Variants in ZNF716 observed in about 807,000 individuals in gnomAD.
ZNF716 encodes the protein zinc finger protein 716.
In ZNF716, 9 loss-of-function variants were observed where a neutral mutation model predicts 13.4. The ratio of observed to expected loss-of-function variants is 0.67; its 90% CI spans 0.41 to 1.18. The LOEUF is 1.18. Among genes scored for constraint, ZNF716 ranks in the 50% most tolerant of loss-of-function variants. The pLI is 0.01. For synonymous variants in ZNF716, 186 were observed against 195.2 expected, an observed-to-expected ratio of 0.95 and a Z score of 0.39; for missense variants, 581 against 576.6, an observed-to-expected ratio of 1.01 and a Z score of -0.08.
rs562332792 is a variant in ZNF716 at position 57,461,219 on chromosome 7, G to C, written c.40-1241G>C. 1.1e-4 allele frequency among the ~76,000 whole-genome samples: 17 copies of C among 152,244 alleles called. 1 individual carries two copies. In the South Asian group the frequency reaches 3.3e-3, roughly 30 times the overall value. Reference sequence around the variant, plus strand: ...TTGAACCCAGGAGGCAGAGTTTGCAGTAAGCCAAGATAGCACCATTGCACT... The same window carrying C: ...TTGAACCCAGGAGGCAGAGTTTGCACTAAGCCAAGATAGCACCATTGCACT... On this transcript the variant is annotated intron_variant, in intron 1 of 3. Coordinates refer to ENST00000420713, the MANE Select transcript of ZNF716 (RefSeq NM_001159279.1).
chr7:57,461,113 A>AC (rs1432423532), intron 1 of ZNF716, among the ~76,000 whole-genome samples: 1 of 128,268 alleles, frequency 7.8e-6, no homozygotes, highest in Admixed American at 8.2e-5. Context: ...CTGCTAAAAA[A>AC]AAAAAAATAC....
At chr7:57,460,394 C>CAAAAAA (rs71565809) in intron 1 of ZNF716, among the ~76,000 whole-genome samples, 1 of 85,494 alleles carries the variant, frequency 1.2e-5, no homozygotes, top group African/African-American at 4.6e-5. Context: ...GACTGTGTCT[C>CAAAAAA]AAAAAAAAAA....
intron 3 of ZNF716, among the ~76,000 whole-genome samples, chr7:57,467,198 A>C (rs1225042106): frequency 2.0e-5 from 3 of 152,032 alleles, no homozygotes; most frequent in Non-Finnish European, 4.4e-5. Flanking sequence ...GTCACTAATT[A>C]TATCTTTTTA....
intron 3 of ZNF716, among the ~76,000 whole-genome samples, chr7:57,466,566 CT>C (rs1554324162): frequency 2.0e-5 from 3 of 152,118 alleles, no homozygotes; most frequent in African/African-American, 7.2e-5. Flanking sequence ...ATGGTTGGTT[CT>C]TTTTTGCCTT....
At position 57,470,703 on chromosome 7, in the gene ZNF716, A is replaced by C. The variant is rs1283746542; in HGVS notation, c.*754A>C. 1 of 115,398 alleles carries C rather than the reference A, an allele frequency of 8.7e-6. No individual in the cohort carries two copies. The highest frequency in any genetic ancestry group is 3.3e-5 in the African/African-American group (1 of 29,920). 7.1% of individuals were successfully genotyped at this position (115,398 alleles called of 1,614,324 possible). Reference sequence around the variant, plus strand: ...ATGTAAAATAATTGATACTGGAGAGAACCCCTGCAATTGTAAAAAAAAAAA... The same window carrying C: ...ATGTAAAATAATTGATACTGGAGAGCACCCCTGCAATTGTAAAAAAAAAAA... On this transcript the variant is annotated 3_prime_UTR_variant, in exon 4 of 4. Coordinates refer to ENST00000420713, the MANE Select transcript of ZNF716 (RefSeq NM_001159279.1).
chr7:57,452,737 A>G (rs1554321735), intron 1 of ZNF716, among the ~76,000 whole-genome samples: 1 of 152,086 alleles, frequency 6.6e-6, no homozygotes, highest in African/African-American at 2.4e-5. Flanking sequence ...AGACATCATA[A>G]TGTGTGGGTT....
intron 3 of ZNF716, among the ~76,000 whole-genome samples, chr7:57,464,122 C>T (rs111937572): frequency 0.37 from 46,197 of 124,424 alleles, 8,738 homozygotes; most frequent in East Asian, 0.49. Context: ...TTTCTTTTTT[C>T]TTTTTTTTTT....
chr7:57,454,594 TG>T (rs1789554403), intron 1 of ZNF716, among the ~76,000 whole-genome samples: 1 of 152,208 alleles, frequency 6.6e-6, no homozygotes, highest in Admixed American at 6.5e-5. Flanking sequence ...CAGGGAAACC[TG>T]GGGACCCACA....
In ZNF716 at chr7:57,473,146, A is replaced by T. The variant is rs1181470236; in HGVS notation, c.*3197A>T. ...AATATTTTTAAAATTTTGTTTTATA[A>T]ATTTTTTGCACATGTGGCATCTCTG... On this transcript the variant is annotated 3_prime_UTR_variant, in exon 4 of 4. Transcript: ENST00000420713. 2.6e-5 allele frequency: 4 copies of T among 152,154 alleles called. No homozygotes were observed. The highest frequency in any genetic ancestry group is 5.9e-5 in the Non-Finnish European group (4 of 68,032). The allele number at this position is 152,154 out of a possible 1,614,324, so 9.4% of individuals were successfully genotyped here.
chr7:57,471,859 G>A lies in ZNF716; in HGVS notation c.*1910G>A, dbSNP rs1422256591. ...AAATCAGAGTGTTGAGTGTAAAAAA[G>A]ATATAAATCTAACAATATAAATTTA... On this transcript the variant is annotated 3_prime_UTR_variant, in exon 4 of 4. Coordinates refer to ENST00000420713, the MANE Select transcript of ZNF716 (RefSeq NM_001159279.1). The A allele has an allele frequency of 6.6e-6, 1 of 152,024 alleles. No homozygotes were observed. The highest frequency in any genetic ancestry group is 1.9e-4 in the East Asian group (1 of 5,184). The allele number at this position is 152,024 out of a possible 1,614,324, so 9.4% of individuals were successfully genotyped here. A position where few individuals can be genotyped will look rare whatever the true frequency, so the allele number is the denominator to read the frequency against.
rs1554323431 is a variant in ZNF716, at chr7:57,463,108, C to G, written c.202C>G (p.Leu68Val). 3.1e-6 allele frequency: 5 copies of G among 1,610,484 alleles called. No individual in the cohort carries two copies. The highest frequency in any genetic ancestry group is 1.3e-5 in the African/African-American group (1 of 74,860). The change falls in exon 3 of 4, where the codon CTG becomes GTG. Residue 68 changes from leucine (L) to valine (V), a missense_variant. By Grantham distance (32) the Leu-to-Val change is conservative (BLOSUM62 1). Coordinates refer to ENST00000420713, the MANE Select transcript of ZNF716 (RefSeq NM_001159279.1). ...AVSKPDLITC[L>V]EQNKEPQNIK... is the part of the protein sequence containing the mutation. ...CTCTAAGCCAGACTTGATCACCTGT[C>G]TGGAGCAAAATAAAGAGCCCCAGAA...
At chr7:57,455,580 A>G (rs1554322117) in intron 1 of ZNF716, among the ~76,000 whole-genome samples, 1 of 152,116 alleles carries the variant, frequency 6.6e-6, no homozygotes, top group Non-Finnish European at 1.5e-5. Flanking sequence ...GCAGTGGCAC[A>G]ATCTCAGCTC....
At chr7:57,450,389 G>T in intron 1 of ZNF716, 62 bp downstream of exon 1, 1 of 1,613,330 alleles carries the variant, frequency 6.2e-7, no homozygotes. Context: ...GACTGAAAGT[G>T]GCTGTAGCAG....
chr7:57,458,962 C>T (rs1343476170), intron 1 of ZNF716, among the ~76,000 whole-genome samples: 1 of 152,026 alleles, frequency 6.6e-6, no homozygotes, highest in African/African-American at 2.4e-5. Flanking sequence ...GGCTGTAACC[C>T]AGAGCTTCTG....
At position 57,471,535 on chromosome 7, in the gene ZNF716, G is replaced by A. The variant is rs1187668924; in HGVS notation, c.*1586G>A. ...ATTAAAACATAAAGAGGATTGTGTAGTACCTTTATTTGTATTACGGATTTT... is the reference window on the plus strand; with the variant it reads ...ATTAAAACATAAAGAGGATTGTGTAATACCTTTATTTGTATTACGGATTTT... On this transcript the variant is annotated 3_prime_UTR_variant, in exon 4 of 4. Coordinates refer to ENST00000420713, the MANE Select transcript of ZNF716 (RefSeq NM_001159279.1). The A allele has an allele frequency of 1.3e-5, 2 of 152,014 alleles. No individual in the cohort carries two copies. Among genetic ancestry groups the A allele is most frequent in the African/African-American group, 4.8e-5 (2 of 41,360 alleles). The allele number at this position is 152,014 out of a possible 1,614,324, so 9.4% of individuals were successfully genotyped here.
At chr7:57,463,265 G>T (rs368701110) in intron 3 of ZNF716, 97 bp downstream of exon 3, 2 of 1,507,580 alleles carry the variant, frequency 1.3e-6, no homozygotes, top group Non-Finnish European at 1.8e-6. Context: ...GCTGTACTTC[G>T]ATGGAAGAGT....
intron 3 of ZNF716, among the ~76,000 whole-genome samples, chr7:57,465,356 C>A (rs1789786181): frequency 6.6e-6 from 1 of 151,728 alleles, no homozygotes; most frequent in African/African-American, 2.4e-5. Flanking sequence ...GCTCTTCTTA[C>A]ATTTTTTTTT....
intron 3 of ZNF716, among the ~76,000 whole-genome samples, chr7:57,464,347 C>T (rs1486039220): frequency 6.6e-6 from 1 of 151,956 alleles, no homozygotes; most frequent in African/African-American, 2.4e-5. Flanking sequence ...TCTTGAATTC[C>T]TGACCTCTGG....
intron 1 of ZNF716, among the ~76,000 whole-genome samples, chr7:57,460,666 A>G (rs1789692356): frequency 6.6e-6 from 1 of 152,012 alleles, no homozygotes; most frequent in Non-Finnish European, 1.5e-5. Context: ...AAATGTTCCT[A>G]TTGTAGCTGT....
Sources: allele counts gnomAD v4.1 joint callset (sites outside exome capture counted in the v4.1 genomes callset), GRCh38; gene constraint gnomAD v4.1.1; transcripts MANE v1.5; gene names NCBI Gene and HGNC (gene_info 2026-07-23, HGNC 2026-07-21).